IMMP2L: variants seen among roughly 807,000 people sequenced by gnomAD.
IMMP2L encodes the protein inner mitochondrial membrane peptidase subunit 2, also known as mitochondrial inner membrane protease subunit 2.
In IMMP2L, 18 loss-of-function variants were observed where a neutral mutation model predicts 19.3. The observed-to-expected ratio is 0.93, with a 90% CI of 0.64 to 1.38. The LOEUF (loss-of-function observed/expected upper bound fraction) is 1.38, where lower values mean the gene tolerates loss of function less well. Ranked by LOEUF, IMMP2L falls within the 40% of genes most tolerant of loss-of-function variation. The pLI, the probability that IMMP2L is intolerant of heterozygous loss-of-function variation, is 0.00. For missense variants in IMMP2L, 233 were observed against 218.2 expected, an observed-to-expected ratio of 1.07 and a Z score of -0.43; for synonymous variants, 76 against 73.0, an observed-to-expected ratio of 1.04 and a Z score of -0.21.
In IMMP2L at chr7:111,214,328, C is replaced by T. The variant is rs1200665021; in HGVS notation, c.240-250763G>A. On this transcript the variant is annotated intron_variant, in intron 3 of 5. Transcript: ENST00000405709. ...GTGAATGAATGACAAAGTAATTTTT[C>T]TTCTTTTTTTTTTTTTTTTTTTTTT... Among the ~76,000 whole-genome samples the T allele has an allele frequency of 6.5e-3, 553 of 84,782 alleles. 27 individuals are homozygous for T. Among genetic ancestry groups the T allele is most frequent in the Non-Finnish European group, 7.6e-3 (337 of 44,106 alleles). 55.6% of individuals were successfully genotyped at this position (84,782 alleles called of 152,430 possible). A position where few individuals can be genotyped will look rare whatever the true frequency, so the allele number is the denominator to read the frequency against.
intron 3 of IMMP2L, among the ~76,000 whole-genome samples, chr7:111,422,996 T>C (rs1835727986): frequency 6.6e-6 from 1 of 151,836 alleles, no homozygotes; most frequent in Non-Finnish European, 1.5e-5. Flanking sequence ...TTGTCATTGG[T>C]TCTGTTTAAG....
chr7:110,739,654 C>T (rs907148562), intron 5 of IMMP2L, among the ~76,000 whole-genome samples: 2 of 152,078 alleles, frequency 1.3e-5, no homozygotes, highest in Non-Finnish European at 2.9e-5. Flanking sequence ...GACAGGTCAT[C>T]AAGACAGAAA....
rs761556733 is a variant in IMMP2L, at chr7:111,142,325, CAAAA to C, written c.240-178764_240-178761del. Among the ~76,000 whole-genome samples, 13 of 62,502 alleles carry C rather than the reference CAAAA, an allele frequency of 2.1e-4. No individual in the cohort carries two copies. The East Asian group carries it at 3.2e-3, about 15-fold the overall frequency. The allele number at this position is 62,502 out of a possible 152,430, so 41.0% of individuals were successfully genotyped here. On this transcript the variant is annotated intron_variant, in intron 3 of 5. Transcript: ENST00000405709. Reference sequence around the variant, plus strand: ...TGGGCAACAGGGTGAGACTCTGTCTCAAAAAAAAAAAAAAAAAAGAAAGAAAGAA... The same window carrying C: ...TGGGCAACAGGGTGAGACTCTGTCTCAAAAAAAAAAAAAAGAAAGAAAGAA...
chr7:110,829,279 T>C (rs895302940), intron 5 of IMMP2L, among the ~76,000 whole-genome samples: 1 of 152,206 alleles, frequency 6.6e-6, no homozygotes, highest in Non-Finnish European at 1.5e-5. Flanking sequence ...AAATATTTTA[T>C]AGAACATCAT....
intron 3 of IMMP2L, among the ~76,000 whole-genome samples, chr7:111,070,974 A>G (rs1203910434): frequency 1.3e-5 from 2 of 152,152 alleles, no homozygotes; most frequent in Non-Finnish European, 2.9e-5. Context: ...ATGATGTTAT[A>G]TATTACTAAA....
chr7:111,172,633 T>C (rs1000747868), intron 3 of IMMP2L, among the ~76,000 whole-genome samples: 4 of 151,494 alleles, frequency 2.6e-5, no homozygotes, highest in Non-Finnish European at 4.4e-5. Flanking sequence ...TAACCAGCCT[T>C]TGGCTATCTC....
chr7:111,124,586 A>C (rs747601461), intron 3 of IMMP2L: 29 of 1,613,844 alleles, frequency 1.8e-5, no homozygotes. Context: ...AACAGAAAAA[A>C]ATGTGTAAAT....
At chr7:111,242,487 A>G (rs771915912) in intron 3 of IMMP2L, among the ~76,000 whole-genome samples, 3 of 152,116 alleles carry the variant, frequency 2.0e-5, no homozygotes, top group Non-Finnish European at 4.4e-5. Context: ...AGTTAAAGGA[A>G]CAGTGGGAAA....
intron 3 of IMMP2L, among the ~76,000 whole-genome samples, chr7:111,020,595 C>T (rs1441267559): frequency 2.0e-5 from 3 of 152,018 alleles, no homozygotes; most frequent in Non-Finnish European, 4.4e-5. Flanking sequence ...AACACTGTCT[C>T]CACCAAAAAC....
At chr7:111,539,132 AAAGGAAGG>A (rs1170750244) in intron 1 of IMMP2L, among the ~76,000 whole-genome samples, 1 of 61,584 alleles carries the variant, frequency 1.6e-5, no homozygotes, top group Non-Finnish European at 3.2e-5. Flanking sequence ...AAAGAAAAGA[AAAGGAAGG>A]AAGGAAGGAA....
chr7:110,894,087 T>C (rs965980165), intron 4 of IMMP2L, among the ~76,000 whole-genome samples: 4 of 152,100 alleles, frequency 2.6e-5, no homozygotes, highest in African/African-American at 9.7e-5. Context: ...CCAGACCACC[T>C]GACAGGTAAG....
At chr7:110,867,135 G>GA (rs1195294837) in intron 5 of IMMP2L, among the ~76,000 whole-genome samples, 2 of 151,882 alleles carry the variant, frequency 1.3e-5, no homozygotes, top group Non-Finnish European at 2.9e-5. Context: ...TTAAACAACA[G>GA]AAATTCATTT....
intron 2 of IMMP2L, among the ~76,000 whole-genome samples, chr7:111,519,561 A>G (rs1438947200): frequency 6.6e-6 from 1 of 152,160 alleles, no homozygotes; most frequent in African/African-American, 2.4e-5. Flanking sequence ...ATTTAGAAAT[A>G]ACATGATTTA....
chr7:111,079,006 A>T (rs1795652684), intron 3 of IMMP2L, among the ~76,000 whole-genome samples: 1 of 152,218 alleles, frequency 6.6e-6, no homozygotes, highest in African/African-American at 2.4e-5. Flanking sequence ...CTGGGATTAC[A>T]TTGTGGTATT....
rs1020853992 is a variant in IMMP2L, at chr7:110,692,624, T to C, written c.409-28903A>G. The stretch of plus-strand genomic sequence containing the variant: ...GAAAATAATCTTTTACTAAAGAAAA[T>C]AAGTTTCAAACTTCGCCGATTATTT... On this transcript the variant is annotated intron_variant, in intron 5 of 5. Coordinates refer to ENST00000405709, the MANE Select transcript of IMMP2L (RefSeq NM_032549.4). Among the ~76,000 whole-genome samples, 10 of 152,204 alleles carry C rather than the reference T, an allele frequency of 6.6e-5. No homozygotes were observed. The East Asian group carries it at 1.9e-3, about 29-fold the overall frequency.
chr7:110,826,781 A>G (rs1204789528), intron 5 of IMMP2L, among the ~76,000 whole-genome samples: 1 of 152,118 alleles, frequency 6.6e-6, no homozygotes, highest in East Asian at 1.9e-4. Context: ...GCACATGTAT[A>G]CATATGTAAC....
chr7:111,392,278 T>C (rs10239002), intron 3 of IMMP2L, among the ~76,000 whole-genome samples: 1 of 152,102 alleles, frequency 6.6e-6, no homozygotes, highest in African/African-American at 2.4e-5. Flanking sequence ...CACATATAAA[T>C]GATCAATGCC....
Position 110,859,434 on chromosome 7 carries a change from T to C in IMMP2L, c.408+27159A>G, listed in dbSNP as rs187319633. ...CTAAAAAGTTTAGTACAAATATTGATTTTTTGTTAAATAAAAATCTAGTAT... is the reference window on the plus strand; with the variant it reads ...CTAAAAAGTTTAGTACAAATATTGACTTTTTGTTAAATAAAAATCTAGTAT... On this transcript the variant is annotated intron_variant, in intron 5 of 5. Transcript: ENST00000405709. Among the ~76,000 whole-genome samples the C allele has an allele frequency of 2.6e-5, 4 of 151,984 alleles. No individual in the cohort carries two copies. In the East Asian group the frequency reaches 7.8e-4, roughly 29 times the overall value.
intron 3 of IMMP2L, among the ~76,000 whole-genome samples, chr7:111,024,617 G>A (rs1381405839): frequency 6.6e-6 from 1 of 152,028 alleles, no homozygotes; most frequent in Non-Finnish European, 1.5e-5. Context: ...CATATATTTT[G>A]CCCTTTTTTA....
Sources: allele counts gnomAD v4.1 joint callset (sites outside exome capture counted in the v4.1 genomes callset), GRCh38; gene constraint gnomAD v4.1.1; transcripts MANE v1.5; gene names NCBI Gene and HGNC (gene_info 2026-07-23, HGNC 2026-07-21).